Variants in IPP observed in about 807,000 individuals in gnomAD.
IPP encodes actin-binding protein IPP.
IPP carries 41 observed loss-of-function variants against 64.1 expected under a neutral mutation model. That is an observed-to-expected ratio of 0.64 (90% CI 0.50 to 0.83). IPP has a LOEUF of 0.83. Ranked by LOEUF, IPP falls within the 40% of genes least tolerant of loss-of-function variation. The probability of loss-of-function intolerance (pLI) is 0.00; values close to 1 mark genes in which losing one functional copy is unlikely to be tolerated. For synonymous variants in IPP, 214 were observed against 235.2 expected (o/e 0.91, Z 0.83); for missense variants, 649 against 703.0 (o/e 0.92, Z 0.87).
At chr1:45,712,547 A>G (rs1645604124) in intron 8 of IPP, among the ~76,000 whole-genome samples, 1 of 151,574 alleles carries the variant, frequency 6.6e-6, no homozygotes, top group Non-Finnish European at 1.5e-5. Context: ...ACAAGAAATT[A>G]CCAGAAAAAT....
chr1:45,698,248 C>T (rs1471607055), downstream of IPP, among the ~76,000 whole-genome samples: 5 of 152,124 alleles, frequency 3.3e-5, no homozygotes, highest in Admixed American at 6.6e-5. Context: ...GCCGAGATCA[C>T]GCCTTTGCAC....
At chr1:45,718,206 T>C (rs749660313) in intron 6 of IPP, among the ~76,000 whole-genome samples, 82 of 152,220 alleles carry the variant, frequency 5.4e-4, no homozygotes, top group Non-Finnish European at 9.0e-4. Context: ...TAGACATAAT[T>C]AGGCCACTAT....
At chr1:45,714,043 AAAGT>A (rs1416262281) in intron 8 of IPP, among the ~76,000 whole-genome samples, 199 bp downstream of exon 8, 1 of 152,152 alleles carries the variant, frequency 6.6e-6, no homozygotes, top group Non-Finnish European at 1.5e-5. Context: ...GAAAAATGGA[AAAGT>A]AAGAACAGAA....
chr1:45,740,866 TAATC>T (rs764416692), intron 3 of IPP, 31 bp downstream of exon 3: 2 of 1,332,244 alleles, frequency 1.5e-6, no homozygotes, highest in Non-Finnish European at 2.1e-6. Flanking sequence ...ACTGGATAAT[TAATC>T]AACTAATTCG....
rs551118380 is a variant in IPP, at chr1:45,749,472, C to T, written c.-51+1125G>A. Among the ~76,000 whole-genome samples the T allele has an allele frequency of 3.3e-5, 5 of 150,678 alleles. No individual in the cohort carries two copies. The East Asian group carries it at 9.8e-4, about 29-fold the overall frequency. ...ACCCCAGCACTTTGGGATGTCCTGT[C>T]GGGAGGATCGCTTGATTTTTTGTTT... On this transcript the variant is annotated intron_variant, in intron 1 of 8. Coordinates refer to ENST00000396478, the MANE Select transcript of IPP (RefSeq NM_005897.3).
At position 45,699,921 on chromosome 1, in the gene IPP, C is replaced by G; in HGVS notation, c.*45G>C. 2.5e-6 allele frequency: 4 copies of G among 1,600,094 alleles called. No homozygotes were observed. The highest frequency in any genetic ancestry group is 2.6e-6 in the Non-Finnish European group (3 of 1,171,092). ...ATGTTTGCTTTGCAAAAGGTCAGGT[C>G]CTGCATTTTCAAAATGTTCCTTGTG... On this transcript the variant is annotated 3_prime_UTR_variant, in exon 9 of 9. Transcript: ENST00000396478.
intron 3 of IPP, among the ~76,000 whole-genome samples, chr1:45,739,183 A>T (rs1195707094): frequency 3.3e-5 from 5 of 152,188 alleles, no homozygotes; most frequent in Non-Finnish European, 7.4e-5. Flanking sequence ...AGTGTATTTA[A>T]CTTGTAATAA....
At position 45,719,188 on chromosome 1, in the gene IPP, GAAC is replaced by G. The variant is rs1406987175; in HGVS notation, c.1186+12_1186+14del. On this transcript the variant is annotated intron_variant, in intron 6 of 8. Transcript: ENST00000396478. The stretch of plus-strand genomic sequence containing the variant: ...AAACAATATTAGCTATCTTTAAACT[GAAC>G]AACATAATTACCCAAAGCATAGATA... 2 of 1,613,060 alleles carry G rather than the reference GAAC, an allele frequency of 1.2e-6. No homozygotes were observed. The highest frequency in any genetic ancestry group is 3.3e-5 in the Admixed American group (2 of 59,948).
Position 45,746,237 on chromosome 1 carries a change from T to C in IPP, c.175A>G (p.Ser59Gly), listed in dbSNP as rs1444893966. The C allele has an allele frequency of 1.2e-6, 2 of 1,614,230 alleles. No individual in the cohort carries two copies. The highest frequency in any genetic ancestry group is 8.5e-7 in the Non-Finnish European group (1 of 1,180,034). Reference protein sequence around the residue: ...KAHRLVLAASSPYFAALFTGG... With the variant: ...KAHRLVLAASGPYFAALFTGG... ...GTGAACAAAGCTGCAAAGTAAGGAC[T>C]GCTGGCAGCCAAAACCAGCCGATGA... Residue 59 changes from serine (S) to glycine (G), a missense_variant, in exon 2 of 9, where the codon AGT becomes GGT. Transcript: ENST00000396478.
chr1:45,736,304 C>G (rs894185659), intron 3 of IPP, among the ~76,000 whole-genome samples: 3 of 151,892 alleles, frequency 2.0e-5, no homozygotes, highest in African/African-American at 7.3e-5. Context: ...TTATAATAAG[C>G]ATATTCCATT....
At chr1:45,695,795 G>A (rs1031307057), downstream of IPP, among the ~76,000 whole-genome samples, 9 of 151,878 alleles carry the variant, frequency 5.9e-5, no homozygotes, top group Non-Finnish European at 1.2e-4. Flanking sequence ...TCAGCCTCCC[G>A]AGTACCTGGG....
At chr1:45,715,194 CAAAAA>C (rs199978194) in intron 7 of IPP, among the ~76,000 whole-genome samples, 1 of 102,874 alleles carries the variant, frequency 9.7e-6, no homozygotes. Context: ...GACCTTCTCT[CAAAAA>C]AAAAAAAAAA....
At chr1:45,704,805 A>G (rs1645496355) in intron 8 of IPP, among the ~76,000 whole-genome samples, 1 of 152,230 alleles carries the variant, frequency 6.6e-6, no homozygotes, top group South Asian at 2.1e-4. Context: ...TAGCTGAAAC[A>G]GGGAAGAGGC....
intron 1 of IPP, among the ~76,000 whole-genome samples, chr1:45,749,489 TTTTTG>T (rs1230779015): frequency 1.3e-4 from 19 of 150,680 alleles, no homozygotes; most frequent in African/African-American, 4.6e-4. Context: ...ATCGCTTGAT[TTTTTG>T]TTTTTTTTTT....
At chr1:45,730,530 T>A (rs970558291) in intron 3 of IPP, among the ~76,000 whole-genome samples, 5 of 151,910 alleles carry the variant, frequency 3.3e-5, no homozygotes, top group African/African-American at 9.7e-5. Context: ...GCAAGAAAAA[T>A]AAATTCTGGT....
chr1:45,700,324 AT>A (rs889216510), intron 8 of IPP, 134 bp from the exon 9 acceptor site: 53 of 1,295,334 alleles, frequency 4.1e-5, no homozygotes, highest in East Asian at 2.3e-4. Flanking sequence ...AAGCATACAG[AT>A]TTTTTTTTCT....
chr1:45,726,342 C>T (rs557197635), intron 5 of IPP, among the ~76,000 whole-genome samples: 1 of 152,072 alleles, frequency 6.6e-6, no homozygotes, highest in African/African-American at 2.4e-5. Flanking sequence ...CCTGTAATCC[C>T]AGCTACAGAG....
intron 4 of IPP, among the ~76,000 whole-genome samples, chr1:45,728,126 CTGTGTGTGTGTGTGTG>C (rs371114917): frequency 1.6e-4 from 21 of 132,232 alleles, no homozygotes; most frequent in African/African-American, 3.4e-4. Context: ...GAGTTGAAAG[CTGTGTGTGTGTGTGTG>C]TGTGTGTGTG....
chr1:45,722,800 C>T (rs1188276736), intron 5 of IPP, among the ~76,000 whole-genome samples: 1 of 151,986 alleles, frequency 6.6e-6, no homozygotes, highest in African/African-American at 2.4e-5. Flanking sequence ...TATTTCCACA[C>T]AATGAAATAT....
Sources: gnomAD v4.1 joint callset for allele counts (sites outside exome capture counted in the v4.1 genomes callset) on GRCh38, gnomAD v4.1.1 for gene constraint, MANE v1.5 for transcripts, NCBI Gene and HGNC (gene_info 2026-07-23, HGNC 2026-07-21) for gene names.